CD86: variants seen among roughly 807,000 people sequenced by gnomAD.
CD86 encodes the protein CD86 molecule.
CD86 carries 11 observed loss-of-function variants against 32.1 expected under a neutral mutation model. That is an observed-to-expected ratio of 0.34 (90% CI 0.22 to 0.57). The LOEUF is 0.57. CD86 is among the 20% of genes least tolerant of loss of function. The pLI is 0.86. For missense variants in CD86, 359 were observed against 398.4 expected, an observed-to-expected ratio of 0.90 and a Z score of 0.84; for synonymous variants, 137 against 135.3, an observed-to-expected ratio of 1.01 and a Z score of -0.09.
rs1217371203 is a variant in CD86 at position 122,106,342 on chromosome 3, A to G, written c.545A>G (p.Tyr182Cys). Reference sequence around the variant, plus strand: ...AGAACCAAGAATTCAACTATCGAGTATGATGGTGTTATGCAGAAATCTCAA... The same window carrying G: ...AGAACCAAGAATTCAACTATCGAGTGTGATGGTGTTATGCAGAAATCTCAA... ...LLRTKNSTIE[Y>C]DGVMQKSQDN... Residue 182 changes from tyrosine to cysteine, a missense_variant, in exon 4 of 7, where the codon TAT becomes TGT. Tyr to Cys is a radical substitution (Grantham distance 194). Transcript: ENST00000330540. The G allele has an allele frequency of 2.5e-6, 4 of 1,614,052 alleles. No homozygotes were observed. Among genetic ancestry groups the G allele is most frequent in the Admixed American group, 3.3e-5 (2 of 60,014 alleles).
At chr3:122,083,381 C>T (rs2072661898) in intron 1 of CD86, among the ~76,000 whole-genome samples, 1 of 152,194 alleles carries the variant, frequency 6.6e-6, no homozygotes, top group Non-Finnish European at 1.5e-5. Context: ...CCACAGGGAC[C>T]TCCTCGTACC....
chr3:122,089,969 G>T (rs2072786469), intron 1 of CD86, among the ~76,000 whole-genome samples: 1 of 152,132 alleles, frequency 6.6e-6, no homozygotes, highest in South Asian at 2.1e-4. Flanking sequence ...AAAGAAAACA[G>T]AATATGGGTC....
At position 122,119,819 on chromosome 3, in the gene CD86, T is replaced by C. The variant is rs147662299; in HGVS notation, c.*285T>C. 1 of 254,546 alleles carries C rather than the reference T, an allele frequency of 3.9e-6. No individual in the cohort carries two copies. Among genetic ancestry groups the C allele is most frequent in the African/African-American group, 2.2e-5 (1 of 44,946 alleles). The allele number at this position is 254,546 out of a possible 1,614,324, so 15.8% of individuals were successfully genotyped here. ...ACCTGGAAATAAAATTTAGGACCAA[T>C]ACCTCCTCCAGATCAGATTCTTCTC... On this transcript the variant is annotated 3_prime_UTR_variant, in exon 7 of 7. Transcript: ENST00000330540.
At chr3:122,070,503 C>T (rs748234204) in intron 1 of CD86, among the ~76,000 whole-genome samples, 1 of 152,144 alleles carries the variant, frequency 6.6e-6, no homozygotes, top group Non-Finnish European at 1.5e-5. Context: ...AAATACTCAA[C>T]TTCTAATGCT....
At chr3:122,108,684 G>C (rs1247074276) in intron 4 of CD86, among the ~76,000 whole-genome samples, 2 of 152,138 alleles carry the variant, frequency 1.3e-5, no homozygotes. Context: ...AAACATCAAA[G>C]GTTTTTCAGT....
chr3:122,089,321 A>G (rs1173032433), intron 1 of CD86, among the ~76,000 whole-genome samples: 1 of 152,248 alleles, frequency 6.6e-6, no homozygotes, highest in Non-Finnish European at 1.5e-5. Flanking sequence ...GGCAAATTTT[A>G]TGTGTATTAT....
intron 5 of CD86, among the ~76,000 whole-genome samples, chr3:122,109,794 T>C (rs2073145845): frequency 6.6e-6 from 1 of 152,234 alleles, no homozygotes; most frequent in South Asian, 2.1e-4. Context: ...ATTTGCTAAA[T>C]GACCACAAGA....
chr3:122,062,454 A>G (rs1454976093), intron 1 of CD86, among the ~76,000 whole-genome samples: 2 of 152,200 alleles, frequency 1.3e-5, no homozygotes, highest in Admixed American at 6.5e-5. Context: ...AAAATACACC[A>G]AAGATGAGTA....
chr3:122,084,905 T>C (rs2072691348), intron 1 of CD86, among the ~76,000 whole-genome samples: 1 of 152,260 alleles, frequency 6.6e-6, no homozygotes, highest in Admixed American at 6.5e-5. Context: ...TATTATATCA[T>C]TCTTCAGATC....
rs192502149 is a variant in CD86 at position 122,061,329 on chromosome 3, C to T, written c.14+5826C>T. On this transcript the variant is annotated intron_variant, in intron 1 of 6. Coordinates refer to ENST00000330540, the MANE Select transcript of CD86 (RefSeq NM_175862.5). The stretch of plus-strand genomic sequence containing the variant: ...ATGAATACAAATGAAATTGCTGATA[C>T]TTTTTTTCAAGTCTATTTAGAAATA... 6.4e-4 allele frequency among the ~76,000 whole-genome samples: 98 copies of T among 152,098 alleles called. 1 individual carries two copies. Among genetic ancestry groups the T allele is most frequent in the South Asian group, 8.3e-4 (4 of 4,816 alleles).
At chr3:122,108,847 G>A in intron 4 of CD86, among the ~76,000 whole-genome samples, 1 of 152,206 alleles carries the variant, frequency 6.6e-6, no homozygotes, top group East Asian at 1.9e-4. Flanking sequence ...ATAGTGGACA[G>A]AAGAATCATC....
chr3:122,069,573 G>T (rs2072461348), intron 1 of CD86, among the ~76,000 whole-genome samples: 1 of 152,178 alleles, frequency 6.6e-6, no homozygotes, highest in Non-Finnish European at 1.5e-5. Flanking sequence ...CTAGACTGTG[G>T]TCTTTAGTGT....
At chr3:122,076,243 A>G (rs2072554203) in intron 1 of CD86, among the ~76,000 whole-genome samples, 2 of 152,250 alleles carry the variant, frequency 1.3e-5, no homozygotes, top group Admixed American at 6.5e-5. Flanking sequence ...ACTAGTAGCT[A>G]GAATGATGAA....
intron 1 of CD86, among the ~76,000 whole-genome samples, chr3:122,075,606 G>C (rs1004782831): frequency 6.6e-6 from 1 of 152,144 alleles, no homozygotes; most frequent in Non-Finnish European, 1.5e-5. Flanking sequence ...GACACTGAAG[G>C]GGTCCTTGCT....
In CD86 at chr3:122,109,401, T is replaced by C. The variant is rs2073139665; in HGVS notation, c.840T>C (p.Tyr280=). The C allele has an allele frequency of 6.2e-7, 1 of 1,614,090 alleles. No individual in the cohort carries two copies. The highest frequency in any genetic ancestry group is 8.5e-7 in the Non-Finnish European group (1 of 1,179,966). The change falls in exon 5 of 7, where the codon TAT becomes TAC. Residue 280 remains tyrosine, a synonymous_variant. Transcript: ENST00000330540. ...AGAAGAAGCGGCCTCGCAACTCTTATAAATGTGGTGAGTGAGTCCTTGTCC... is the reference window on the plus strand; with the variant it reads ...AGAAGAAGCGGCCTCGCAACTCTTACAAATGTGGTGAGTGAGTCCTTGTCC... ...WKKKKRPRNS[Y]KCGTNTMERE... is the part of the protein sequence containing the mutation.
intron 3 of CD86, among the ~76,000 whole-genome samples, chr3:122,104,687 A>G (rs894082587): frequency 6.6e-6 from 1 of 152,196 alleles, no homozygotes; most frequent in African/African-American, 2.4e-5. Flanking sequence ...CACATAAGTG[A>G]AGCCACACAG....
chr3:122,096,532 A>T (rs2072910905), intron 2 of CD86, among the ~76,000 whole-genome samples: 1 of 152,198 alleles, frequency 6.6e-6, no homozygotes, highest in Non-Finnish European at 1.5e-5. Flanking sequence ...AAAAATAAAT[A>T]AAAAAACAAA....
intron 5 of CD86, among the ~76,000 whole-genome samples, chr3:122,110,343 T>A (rs1219476588): frequency 6.6e-6 from 1 of 152,212 alleles, no homozygotes; most frequent in Admixed American, 6.5e-5. Context: ...CCTAACTTTA[T>A]AATAATGCCA....
chr3:122,109,890 T>C (rs565011421), intron 5 of CD86, among the ~76,000 whole-genome samples: 5 of 152,330 alleles, frequency 3.3e-5, no homozygotes, highest in African/African-American at 4.8e-5. Context: ...ACAAACAATA[T>C]TAACTTTAAC....
Sources: gnomAD v4.1 joint callset for allele counts (sites outside exome capture counted in the v4.1 genomes callset) on GRCh38, gnomAD v4.1.1 for gene constraint, MANE v1.5 for transcripts, NCBI Gene and HGNC (gene_info 2026-07-23, HGNC 2026-07-21) for gene names.